Variants in ZGPAT observed in about 807,000 individuals in gnomAD.
ZGPAT encodes zinc finger CCCH-type with G patch domain-containing protein.
A neutral mutation model predicts 47.9 loss-of-function variants in ZGPAT; 39 were observed. The ratio of observed to expected loss-of-function variants is 0.81; its 90% CI spans 0.63 to 1.06. ZGPAT has a LOEUF of 1.06. Ranked by LOEUF, ZGPAT falls within the 50% of genes least tolerant of loss-of-function variation. The pLI, the probability that ZGPAT is intolerant of heterozygous loss-of-function variation, is 0.00. For synonymous variants in ZGPAT, 348 were observed against 292.9 expected (o/e 1.19, Z -1.92); for missense variants, 717 against 681.4 (o/e 1.05, Z -0.58).
intron 2 of ZGPAT, among the ~76,000 whole-genome samples, chr20:63,716,178 C>T (rs567624635): frequency 3.9e-5 from 6 of 152,226 alleles, no homozygotes; most frequent in South Asian, 2.1e-4. Flanking sequence ...TACAGGCGCA[C>T]GCCAGCATAC....
chr20:63,713,301 G>T (rs912085373), intron 2 of ZGPAT, among the ~76,000 whole-genome samples: 3 of 151,760 alleles, frequency 2.0e-5, no homozygotes, highest in African/African-American at 2.4e-5. Context: ...CCCAATCTTG[G>T]CTCACTGCAA....
chr20:63,725,259 C>T (rs1254700176), intron 2 of ZGPAT, among the ~76,000 whole-genome samples: 1 of 152,230 alleles, frequency 6.6e-6, no homozygotes, highest in African/African-American at 2.4e-5. Flanking sequence ...GCTGGGATTA[C>T]AGGCGTGAGC....
intron 2 of ZGPAT, among the ~76,000 whole-genome samples, chr20:63,713,953 G>C (rs779967450): frequency 6.6e-6 from 1 of 151,476 alleles, no homozygotes; most frequent in Non-Finnish European, 1.5e-5. Flanking sequence ...AGTGCTAATA[G>C]GATTTTTTAT....
At chr20:63,730,922 T>TCTCTCTC (rs2091891158) in intron 2 of ZGPAT, among the ~76,000 whole-genome samples, 2 of 124,532 alleles carry the variant, frequency 1.6e-5, no homozygotes, top group African/African-American at 2.9e-5. Context: ...TTCCTCTTCA[T>TCTCTCTC]TCTCTCTCTC....
chr20:63,715,738 T>C (rs573390456), intron 2 of ZGPAT, among the ~76,000 whole-genome samples: 7 of 152,148 alleles, frequency 4.6e-5, no homozygotes, highest in Non-Finnish European at 8.8e-5. Context: ...GGAAGTATTC[T>C]TTATATTATG....
intron 2 of ZGPAT, among the ~76,000 whole-genome samples, chr20:63,724,076 A>G (rs1383417850): frequency 6.6e-6 from 1 of 151,996 alleles, no homozygotes; most frequent in Non-Finnish European, 1.5e-5. Context: ...TTATCTCAGA[A>G]GTAAAGGGAC....
intron 5 of ZGPAT, 24 bp downstream of exon 5, chr20:63,734,848 AG>A (rs1568803282): frequency 6.4e-7 from 1 of 1,556,012 alleles, no homozygotes; most frequent in Admixed American, 1.9e-5. Flanking sequence ...GCCCTGGAGA[AG>A]TGGGCAGGCT....
At chr20:63,727,603 G>A (rs1277048870) in intron 2 of ZGPAT, among the ~76,000 whole-genome samples, 4 of 150,936 alleles carry the variant, frequency 2.7e-5, no homozygotes, top group Non-Finnish European at 5.9e-5. Flanking sequence ...CTTGGGAGGT[G>A]GAGGTGCATT....
At chr20:63,732,710 A>G (rs963670891) in intron 2 of ZGPAT, among the ~76,000 whole-genome samples, 14 of 148,268 alleles carry the variant, frequency 9.4e-5, no homozygotes, top group African/African-American at 3.0e-4. Flanking sequence ...ATACATGTGT[A>G]CTTGTGTATG....
rs2091975672 is a variant in ZGPAT, at chr20:63,735,490, G to A, written c.1323G>A (p.Gln441=). 3.9e-6 allele frequency: 6 copies of A among 1,542,110 alleles called. No individual in the cohort carries two copies. The South Asian group carries it at 5.1e-5, about 13-fold the overall frequency. Reference sequence around the variant, plus strand: ...GGGCCCTGAGCCTGCGGCTCTTCCAGACTGAGGAGAAGATCGAGCGAACCC... The same window carrying A: ...GGGCCCTGAGCCTGCGGCTCTTCCAAACTGAGGAGAAGATCGAGCGAACCC... The part of the protein sequence containing the change: ...AKRALSLRLF[Q]TEEKIERTQR... The change falls in exon 6 of 7, where the codon CAG becomes CAA. Residue 441 remains glutamine, a synonymous_variant. Transcript: ENST00000355969.
chr20:63,711,028 C>CTTT (rs34657783), intron 2 of ZGPAT, among the ~76,000 whole-genome samples: 1 of 139,818 alleles, frequency 7.2e-6, no homozygotes, highest in Non-Finnish European at 1.6e-5. Flanking sequence ...GAATGTCTTC[C>CTTT]TTTTTTTTTT....
intron 2 of ZGPAT, among the ~76,000 whole-genome samples, chr20:63,732,923 T>A (rs2091934508): frequency 6.6e-6 from 1 of 151,978 alleles, no homozygotes; most frequent in South Asian, 2.1e-4. Flanking sequence ...TGTATATGCC[T>A]GCATGTATAT....
chr20:63,708,270 CGGGCGCGGCGGGT>C (rs947121235), intron 1 of ZGPAT, 152 bp downstream of exon 1: 13 of 168,976 alleles, frequency 7.7e-5, no homozygotes, highest in Non-Finnish European at 1.6e-4. Context: ...TGGAAGGCGG[CGGGCGCGGCGGGT>C]GGGCTCGGCG....
chr20:63,720,349 G>T (rs1176155874), intron 2 of ZGPAT, among the ~76,000 whole-genome samples: 1 of 151,826 alleles, frequency 6.6e-6, no homozygotes, highest in Non-Finnish European at 1.5e-5. Context: ...TAGAGACATG[G>T]TTTTGCCGTG....
chr20:63,708,315 C>T (rs1011055062), intron 1 of ZGPAT, 197 bp downstream of exon 1: 9 of 255,676 alleles, frequency 3.5e-5, no homozygotes, highest in Non-Finnish European at 5.9e-5. Flanking sequence ...GGCGGGGCGC[C>T]CCGCGGGGAA....
chr20:63,734,648 T>C (rs769957221), intron 4 of ZGPAT, 57 bp from the exon 5 acceptor site: 2 of 1,598,342 alleles, frequency 1.3e-6, no homozygotes, highest in South Asian at 2.2e-5. Flanking sequence ...CTTGCAGTGG[T>C]GGGGTCGGAC....
At chr20:63,713,560 G>T (rs2091693227) in intron 2 of ZGPAT, among the ~76,000 whole-genome samples, 1 of 150,890 alleles carries the variant, frequency 6.6e-6, no homozygotes, top group Admixed American at 6.6e-5. Flanking sequence ...ACATTTTCAG[G>T]CTGTTTGTTG....
chr20:63,708,489 GCCCGC>G, intron 1 of ZGPAT, 59 bp from the exon 2 acceptor site: 6 of 1,197,898 alleles, frequency 5.0e-6, no homozygotes, highest in Non-Finnish European at 6.9e-6. Context: ...CCGTGCCCGT[GCCCGC>G]CCTCAGGCTG....
intron 2 of ZGPAT, 114 bp downstream of exon 2, chr20:63,709,278 C>A (rs2091625376): frequency 8.5e-7 from 1 of 1,175,222 alleles, no homozygotes; most frequent in East Asian, 2.4e-5. Flanking sequence ...CTTCCTGGGG[C>A]AGGCGTGCTT....
Sources: allele counts gnomAD v4.1 joint callset (sites outside exome capture counted in the v4.1 genomes callset), GRCh38; gene constraint gnomAD v4.1.1; transcripts MANE v1.5; gene names NCBI Gene and HGNC (gene_info 2026-07-23, HGNC 2026-07-21).